PCMTD1: variants seen among roughly 807,000 people sequenced by gnomAD.
PCMTD1 encodes the protein protein-L-isoaspartate (D-aspartate) O-methyltransferase domain containing 1.
In PCMTD1, 12 loss-of-function variants were observed where a neutral mutation model predicts 37.6. The observed-to-expected ratio is 0.32, with a 90% CI of 0.20 to 0.52. The LOEUF (loss-of-function observed/expected upper bound fraction) is 0.52. PCMTD1 is among the 20% of genes least tolerant of loss of function. PCMTD1 has a pLI of 0.97. For synonymous variants in PCMTD1, 117 were observed against 135.8 expected (o/e 0.86, Z 0.96); for missense variants, 235 against 421.3 (o/e 0.56, Z 3.87).
intron 2 of PCMTD1, among the ~76,000 whole-genome samples, chr8:51,847,440 A>C (rs543255888): frequency 2.0e-5 from 3 of 152,238 alleles, no homozygotes; most frequent in African/African-American, 7.2e-5. Flanking sequence ...CATCCTGGCC[A>C]ACATGGCAAA....
Position 51,839,348 on chromosome 8 carries a change from C to T in PCMTD1, c.411-5659G>A, listed in dbSNP as rs1414543701. ...ATTGACATACTCTTAATAAAATGTACCCTGAAAATCATTTATGAAAAAAAT... is the reference window on the plus strand; with the variant it reads ...ATTGACATACTCTTAATAAAATGTATCCTGAAAATCATTTATGAAAAAAAT... On this transcript the variant is annotated intron_variant, in intron 3 of 5. Transcript: ENST00000522514. The T allele has an allele frequency of 2.9e-5, 16 of 548,468 alleles. No homozygotes were observed. The Admixed American group carries it at 1.0e-3, about 35-fold the overall frequency. 34.0% of individuals were successfully genotyped at this position (548,468 alleles called of 1,614,324 possible).
intron 1 of PCMTD1, among the ~76,000 whole-genome samples, chr8:51,877,200 A>G (rs1430800110): frequency 6.6e-6 from 1 of 152,234 alleles, no homozygotes; most frequent in Non-Finnish European, 1.5e-5. Context: ...ATGAGAGTAC[A>G]CCGAACAAAG....
At chr8:51,895,931 C>T (rs536445430) in intron 1 of PCMTD1, 1 of 131,348 alleles carries the variant, frequency 7.6e-6, no homozygotes, top group South Asian at 2.5e-4. Flanking sequence ...TAGTATTTGT[C>T]CCATTTCTTT....
intron 1 of PCMTD1, among the ~76,000 whole-genome samples, chr8:51,887,315 A>G (rs1418343422): frequency 3.3e-5 from 5 of 152,196 alleles, no homozygotes; most frequent in African/African-American, 9.7e-5. Flanking sequence ...GCTGTTCCAT[A>G]GAGAATCAGA....
intron 3 of PCMTD1, among the ~76,000 whole-genome samples, chr8:51,837,737 G>T (rs766448051): frequency 3.3e-5 from 5 of 152,100 alleles, no homozygotes; most frequent in Admixed American, 1.3e-4. Context: ...AAGAATCTTA[G>T]ACGTTTTGTA....
intron 3 of PCMTD1, chr8:51,839,364 T>C: frequency 1.3e-6 from 1 of 747,972 alleles, no homozygotes. Context: ...AAATCATTTA[T>C]GAAAAAAATA....
intron 1 of PCMTD1, among the ~76,000 whole-genome samples, chr8:51,867,598 T>A (rs1377576080): frequency 6.6e-6 from 1 of 151,914 alleles, no homozygotes; most frequent in African/African-American, 2.4e-5. Context: ...TATATATATA[T>A]AAATGGATTA....
rs897161812 is a variant in PCMTD1, at chr8:51,845,941, T to TA, written c.308-179dup. On this transcript the variant is annotated intron_variant, in intron 2 of 5. Coordinates refer to ENST00000522514, the MANE Select transcript of PCMTD1 (RefSeq NM_052937.4). The stretch of plus-strand genomic sequence containing the variant: ...GAAATCCACGTACATTGCTTTAATG[T>TA]AAAAAAAGGGGAAAAAAAAAAGTTC... 7.9e-5 allele frequency among the ~76,000 whole-genome samples: 12 copies of TA among 151,332 alleles called. No individual in the cohort carries two copies. In the East Asian group the frequency reaches 9.7e-4, roughly 12 times the overall value.
At chr8:51,892,896 C>G (rs2038954675) in intron 1 of PCMTD1, among the ~76,000 whole-genome samples, 1 of 152,152 alleles carries the variant, frequency 6.6e-6, no homozygotes, top group Non-Finnish European at 1.5e-5. Context: ...GTGACTACTT[C>G]CCATCCCAGG....
chr8:51,835,291 A>G (rs1168048261), intron 3 of PCMTD1, among the ~76,000 whole-genome samples: 1 of 152,198 alleles, frequency 6.6e-6, no homozygotes, highest in African/African-American at 2.4e-5. Context: ...TATAGTTGAA[A>G]TATCAGCTTT....
intron 1 of PCMTD1, chr8:51,870,413 T>C (rs2038622437): frequency 6.6e-6 from 1 of 152,116 alleles, no homozygotes; most frequent in Non-Finnish European, 1.5e-5. Flanking sequence ...TATGATGAAA[T>C]ATAAATAAAG....
At chr8:51,894,265 G>A (rs1289813138) in intron 1 of PCMTD1, among the ~76,000 whole-genome samples, 3 of 152,106 alleles carry the variant, frequency 2.0e-5, no homozygotes, top group African/African-American at 7.2e-5. Flanking sequence ...ACAGCTGCTG[G>A]GACAGAAAGA....
intron 1 of PCMTD1, 35 bp downstream of exon 1, chr8:51,898,895 C>T: frequency 7.6e-7 from 1 of 1,312,856 alleles, no homozygotes; most frequent in Non-Finnish European, 9.7e-7. Context: ...CTCGCACACC[C>T]CACGACCCCG....
chr8:51,841,185 T>TTAA (rs949425227), intron 3 of PCMTD1, among the ~76,000 whole-genome samples: 7 of 152,170 alleles, frequency 4.6e-5, no homozygotes, highest in African/African-American at 1.7e-4. Flanking sequence ...TGAACACCAA[T>TTAA]TAATATTGTC....
At chr8:51,875,938 GTT>G in intron 1 of PCMTD1, among the ~76,000 whole-genome samples, 2 of 56,488 alleles carry the variant, frequency 3.5e-5, no homozygotes, top group South Asian at 1.5e-3. Context: ...TCAAAAATGT[GTT>G]TGTGTGTGTG....
At chr8:51,891,658 TA>T (rs967672114) in intron 1 of PCMTD1, among the ~76,000 whole-genome samples, 242 of 133,246 alleles carry the variant, frequency 1.8e-3, no homozygotes, top group East Asian at 5.6e-3. Flanking sequence ...TGCCACTAGT[TA>T]AAAAAAAAAA....
At chr8:51,827,661 A>G (rs1436604219) in intron 5 of PCMTD1, among the ~76,000 whole-genome samples, 1 of 152,184 alleles carries the variant, frequency 6.6e-6, no homozygotes, top group Non-Finnish European at 1.5e-5. Context: ...GTATACACAG[A>G]AAAGAGTCAA....
intron 1 of PCMTD1, among the ~76,000 whole-genome samples, chr8:51,890,140 T>C (rs1039016281): frequency 6.6e-6 from 1 of 152,182 alleles, no homozygotes; most frequent in African/African-American, 2.4e-5. Flanking sequence ...CAGATATTTA[T>C]ATAGATCATT....
rs544975721 is a variant in PCMTD1 at position 51,833,101 on chromosome 8, G to A, written c.582+417C>T. On this transcript the variant is annotated intron_variant, in intron 4 of 5. Transcript: ENST00000522514. ...CTCAAGCGATCTGCCTGCCTCAGCC[G>A]CCCAAAGCGCTGAGATTACAGGCGT... 7.6e-4 allele frequency among the ~76,000 whole-genome samples: 116 copies of A among 152,220 alleles called. 1 individual carries two copies. Among genetic ancestry groups the A allele is most frequent in the Admixed American group, 2.6e-3 (39 of 15,284 alleles).
Sources: gnomAD v4.1 joint callset for allele counts (sites outside exome capture counted in the v4.1 genomes callset) on GRCh38, gnomAD v4.1.1 for gene constraint, MANE v1.5 for transcripts, NCBI Gene and HGNC (gene_info 2026-07-23, HGNC 2026-07-21) for gene names.